Variants in C9orf153 observed in about 807,000 individuals in gnomAD.
C9orf153 encodes the protein chromosome 9 open reading frame 153, also known as uncharacterized protein C9orf153.
In C9orf153, 10 loss-of-function variants were observed where a neutral mutation model predicts 9.0. The observed-to-expected ratio is 1.11, with a 90% CI of 0.69 to 1.89. C9orf153 has a LOEUF of 1.89. Ranked by LOEUF, C9orf153 falls within the 40% of genes most tolerant of loss-of-function variation. The probability of loss-of-function intolerance (pLI) is 0.00; values close to 1 mark genes in which losing one functional copy is unlikely to be tolerated. For missense variants in C9orf153, 108 were observed against 111.0 expected, an observed-to-expected ratio of 0.97 and a Z score of 0.12; for synonymous variants, 35 against 37.3, an observed-to-expected ratio of 0.94 and a Z score of 0.23.
In C9orf153 at chr9:86,257,665, G is replaced by A. The variant is rs536525293; in HGVS notation, c.-27+1885C>T. 5.9e-5 allele frequency among the ~76,000 whole-genome samples: 9 copies of A among 152,316 alleles called. No homozygotes were observed. The East Asian group carries it at 1.5e-3, about 26-fold the overall frequency. ...GGCACTCAGTAATTTTAGGCCTTCT[G>A]CTTTAGTTGTCAGAGGGTGAATTGA... is the stretch of plus-strand genomic sequence containing the variant. On this transcript the variant is annotated intron_variant, in intron 1 of 3. Coordinates refer to ENST00000339137, the MANE Select transcript of C9orf153 (RefSeq NM_001276366.4).
intron 1 of C9orf153, among the ~76,000 whole-genome samples, chr9:86,245,220 C>T (rs1388181008): frequency 6.6e-6 from 1 of 152,192 alleles, no homozygotes; most frequent in Non-Finnish European, 1.5e-5. Context: ...AGTCACCGTG[C>T]CCAGTCACAT....
intron 1 of C9orf153, among the ~76,000 whole-genome samples, chr9:86,243,689 A>T (rs780404408): frequency 5.9e-5 from 9 of 152,086 alleles, no homozygotes; most frequent in Non-Finnish European, 1.3e-4. Context: ...CAGAGTCCAG[A>T]TTCACTTTCT....
rs576793988 is a variant in C9orf153 at position 86,224,849 on chromosome 9, G to A, written c.242+3006C>T. ...AGCTACATGGGAGAGGCTGAGGCAG[G>A]AGAATTGCTTGAACCTGGGAGGCAG... On this transcript the variant is annotated intron_variant, in intron 3 of 3. Transcript: ENST00000339137. 6.1e-5 allele frequency among the ~76,000 whole-genome samples: 9 copies of A among 147,848 alleles called. No individual in the cohort carries two copies. In the South Asian group the frequency reaches 1.7e-3, roughly 28 times the overall value.
intron 1 of C9orf153, among the ~76,000 whole-genome samples, chr9:86,241,016 T>C (rs1270615234): frequency 6.6e-6 from 1 of 151,966 alleles, no homozygotes; most frequent in Non-Finnish European, 1.5e-5. Context: ...CTAATTTGCT[T>C]TTCTTTTGTG....
rs1014614398 is a variant in C9orf153, at chr9:86,221,832, C to T, written c.243-99G>A. The stretch of plus-strand genomic sequence containing the variant: ...GGACAGGGTAAACCTTTGATGAACT[C>T]GAGTCCCCTCTTTCTGGCAGAAAGC... On this transcript the variant is annotated intron_variant, in intron 3 of 3. Transcript: ENST00000339137. 67 of 647,024 alleles carry T rather than the reference C, an allele frequency of 1.0e-4. 2 individuals are homozygous for T. In the Admixed American group the frequency reaches 1.7e-3, roughly 17 times the overall value. 40.1% of individuals were successfully genotyped at this position (647,024 alleles called of 1,614,324 possible). A position where few individuals can be genotyped will look rare whatever the true frequency, so the allele number is the denominator to read the frequency against.
At chr9:86,225,397 TTCTC>T (rs1267156748) in intron 3 of C9orf153, among the ~76,000 whole-genome samples, 11 of 133,362 alleles carry the variant, frequency 8.2e-5, no homozygotes, top group Admixed American at 3.3e-4. Flanking sequence ...GTTTCTTTCT[TTCTC>T]TCTCTCTCTC....
chr9:86,231,953 G>T (rs954839608), intron 1 of C9orf153, among the ~76,000 whole-genome samples: 2 of 151,986 alleles, frequency 1.3e-5, no homozygotes, highest in Non-Finnish European at 2.9e-5. Flanking sequence ...CATCACCAAG[G>T]GTTAATAAAT....
At position 86,259,031 on chromosome 9, in the gene C9orf153, GT is replaced by G. The variant is rs11440861; in HGVS notation, c.-27+518del. 1.7e-3 allele frequency among the ~76,000 whole-genome samples: 257 copies of G among 147,414 alleles called. 1 individual carries two copies. Among genetic ancestry groups the G allele is most frequent in the African/African-American group, 5.7e-3 (230 of 40,178 alleles). ...CTTTGATAGTATCATACAGAGCAGT[GT>G]TTTTTTTTTTTCTTTGAGATAGGCT... On this transcript the variant is annotated intron_variant, in intron 1 of 3. Coordinates refer to ENST00000339137, the MANE Select transcript of C9orf153 (RefSeq NM_001276366.4).
chr9:86,223,362 G>A (rs1050262874), intron 3 of C9orf153, among the ~76,000 whole-genome samples: 11 of 152,114 alleles, frequency 7.2e-5, no homozygotes, highest in Admixed American at 7.2e-4. Flanking sequence ...CAGCTACTCC[G>A]GAGGCTGATG....
intron 3 of C9orf153, chr9:86,227,550 C>A (rs1824364143): frequency 2.0e-6 from 2 of 985,168 alleles, no homozygotes; most frequent in Non-Finnish European, 2.4e-6. Context: ...TTACCTGGGT[C>A]AACTAAGAAG....
intron 3 of C9orf153, chr9:86,227,341 T>C: frequency 1.3e-6 from 2 of 1,526,780 alleles, no homozygotes; most frequent in East Asian, 2.4e-5. Flanking sequence ...ATTTATTTAT[T>C]TATTTTTGGA....
intron 3 of C9orf153, among the ~76,000 whole-genome samples, chr9:86,222,861 A>T (rs1381651387): frequency 5.3e-5 from 8 of 152,084 alleles, no homozygotes; most frequent in Non-Finnish European, 1.5e-5. Flanking sequence ...GTGACATTTG[A>T]GCATGTCACC....
chr9:86,240,158 CAT>C (rs1406796554), intron 1 of C9orf153, among the ~76,000 whole-genome samples: 1 of 152,108 alleles, frequency 6.6e-6, no homozygotes, highest in African/African-American at 2.4e-5. Context: ...CTTTCTGACA[CAT>C]GTACAATTAT....
rs367793280 is a variant in C9orf153, at chr9:86,251,942, C to CACACACACACACACACACACACACGA, written c.-27+7607_-27+7608insTCGTGTGTGTGTGTGTGTGTGTGTGT. On this transcript the variant is annotated intron_variant, in intron 1 of 3. Transcript: ENST00000339137. The stretch of plus-strand genomic sequence containing the variant: ...ACACACACACACACACACACACACA[C>CACACACACACACACACACACACACGA]GAGAGAGAGAGAGGAGAGGGGGAGA... Among the ~76,000 whole-genome samples the CACACACACACACACACACACACACGA allele has an allele frequency of 6.0e-3, 900 of 149,610 alleles. 8 individuals carry two copies. The highest frequency in any genetic ancestry group is 0.022 in the African/African-American group (877 of 40,074).
rs1824204255 is a variant in C9orf153, at chr9:86,221,582, G to A, written c.*106C>T. 2 of 1,423,586 alleles carry A rather than the reference G, an allele frequency of 1.4e-6. No individual in the cohort carries two copies. Among genetic ancestry groups the A allele is most frequent in the Admixed American group, 6.0e-5 (2 of 33,112 alleles). The allele number at this position is 1,423,586 out of a possible 1,614,324, so 88.2% of individuals were successfully genotyped here. A position where few individuals can be genotyped will look rare whatever the true frequency, so the allele number is the denominator to read the frequency against. On this transcript the variant is annotated 3_prime_UTR_variant, in exon 4 of 4. Coordinates refer to ENST00000339137, the MANE Select transcript of C9orf153 (RefSeq NM_001276366.4). ...CCAAAGACTTGCGAACTATAGGGGG[G>A]AAAATAACGTCAGGCATGTCCTGGC...
chr9:86,244,229 C>T (rs7848944), intron 1 of C9orf153, among the ~76,000 whole-genome samples: 70,358 of 151,964 alleles, frequency 0.46, 16,880 homozygotes, highest in East Asian at 0.83. Context: ...TATCTTTCAC[C>T]TTTTCTCTTT....
chr9:86,256,061 T>G (rs1825117643), intron 1 of C9orf153, among the ~76,000 whole-genome samples: 1 of 152,222 alleles, frequency 6.6e-6, no homozygotes, highest in Non-Finnish European at 1.5e-5. Flanking sequence ...TGGTTGTGAT[T>G]CTACAGCATT....
At chr9:86,227,658 T>C in intron 3 of C9orf153, 197 bp downstream of exon 3, 4 of 985,276 alleles carry the variant, frequency 4.1e-6, no homozygotes, top group Non-Finnish European at 4.8e-6. Flanking sequence ...TTCTGTACGG[T>C]AACTTGGGCC....
At chr9:86,229,315 T>A (rs548712378) in intron 2 of C9orf153, among the ~76,000 whole-genome samples, 1 of 151,060 alleles carries the variant, frequency 6.6e-6, no homozygotes, top group South Asian at 2.1e-4. Flanking sequence ...TTATAACGAA[T>A]TATACAACCA....
Sources: gnomAD v4.1 joint callset for allele counts (sites outside exome capture counted in the v4.1 genomes callset) on GRCh38, gnomAD v4.1.1 for gene constraint, MANE v1.5 for transcripts, NCBI Gene and HGNC (gene_info 2026-07-23, HGNC 2026-07-21) for gene names.